Variants in COL24A1 observed in about 807,000 individuals in gnomAD.
The protein encoded by COL24A1 is collagen alpha-1(XXIV) chain.
A neutral mutation model predicts 253.9 loss-of-function variants in COL24A1; 224 were observed. That is an observed-to-expected ratio of 0.88 (90% CI 0.79 to 0.99). COL24A1 has a LOEUF of 0.99. Ranked by LOEUF, COL24A1 falls within the 50% of genes least tolerant of loss-of-function variation. The probability of loss-of-function intolerance (pLI) is 0.00; values close to 1 mark genes in which losing one functional copy is unlikely to be tolerated. For missense variants in COL24A1, 2,131 were observed against 2,068.5 expected (o/e 1.03, Z -0.59); for synonymous variants, 685 against 673.7 (o/e 1.02, Z -0.26).
chr1:85,924,286 T>C (rs188823023), intron 24 of COL24A1, among the ~76,000 whole-genome samples: 99 of 152,128 alleles, frequency 6.5e-4, no homozygotes, highest in Non-Finnish European at 1.2e-3. Flanking sequence ...TTCCAAGCAA[T>C]AGAAAAAGAG....
In COL24A1 at chr1:85,775,121, G is replaced by A. The variant is rs184463209; in HGVS notation, c.4374+553C>T. Among the ~76,000 whole-genome samples the A allele has an allele frequency of 4.3e-3, 659 of 152,062 alleles. 9 individuals carry two copies. Among genetic ancestry groups the A allele is most frequent in the African/African-American group, 0.015 (616 of 41,468 alleles). On this transcript the variant is annotated intron_variant, in intron 53 of 59. Coordinates refer to ENST00000370571, the MANE Select transcript of COL24A1 (RefSeq NM_152890.7). Reference sequence around the variant, plus strand: ...ACATCTTTATTTCTGCCTTTATTTCGTTAGGTACCCAGTAGTCATTCAGAA... The same window carrying A: ...ACATCTTTATTTCTGCCTTTATTTCATTAGGTACCCAGTAGTCATTCAGAA...
In COL24A1 at chr1:86,125,295, G is replaced by A; in HGVS notation, c.1041C>T (p.Phe347=). Residue 347 remains phenylalanine (F), a synonymous_variant, in exon 3 of 60, where the codon TTC becomes TTT. Coordinates refer to ENST00000370571, the MANE Select transcript of COL24A1 (RefSeq NM_152890.7). ...MITEEDTQTN[F]SLSVTTHRIS... is the part of the protein sequence containing the mutation. ...TGCGATGAGTGGTCACTGACAGGCT[G>A]AAATTTGTCTGAGTATCTTCCTCAG... 2 of 1,613,630 alleles carry A rather than the reference G, an allele frequency of 1.2e-6. No individual in the cohort carries two copies. Among genetic ancestry groups the A allele is most frequent in the Non-Finnish European group, 1.7e-6 (2 of 1,179,786 alleles).
At chr1:85,808,720 T>C (rs919207616) in intron 47 of COL24A1, among the ~76,000 whole-genome samples, 3 of 152,204 alleles carry the variant, frequency 2.0e-5, no homozygotes, top group African/African-American at 4.8e-5. Context: ...GCTTGATAAA[T>C]GGGTGTAATC....
intron 7 of COL24A1, among the ~76,000 whole-genome samples, chr1:86,084,552 C>G (rs1702910011): frequency 1.3e-5 from 2 of 152,154 alleles, no homozygotes; most frequent in Admixed American, 1.3e-4. Context: ...TCAACTAGCT[C>G]TCACACAGAA....
chr1:86,033,933 G>A lies in COL24A1; in HGVS notation c.1951-10C>T, dbSNP rs544494235. ...AGTCACCTGGAAAACCCTGTCACAG[G>A]GAAAGAGGAAGAATGCCAACATATA... On this transcript the variant is annotated splice_polypyrimidine_tract_variant and intron_variant, in intron 12 of 59. Coordinates refer to ENST00000370571, the MANE Select transcript of COL24A1 (RefSeq NM_152890.7). 1.4e-5 allele frequency: 22 copies of A among 1,586,224 alleles called. No homozygotes were observed. In the African/African-American group the frequency reaches 2.2e-4, roughly 16 times the overall value.
intron 23 of COL24A1, among the ~76,000 whole-genome samples, chr1:85,964,792 A>T (rs1691398425): frequency 6.6e-6 from 1 of 152,102 alleles, no homozygotes. Context: ...ACTCTGAAAC[A>T]CTTCTGGTCC....
At position 86,046,845 on chromosome 1, in the gene COL24A1, T is replaced by C. The variant is rs1699940980; in HGVS notation, c.1930A>G (p.Lys644Glu). 1 of 1,605,450 alleles carries C rather than the reference T, an allele frequency of 6.2e-7. No homozygotes were observed. Among genetic ancestry groups the C allele is most frequent in the Admixed American group, 1.7e-5 (1 of 59,808 alleles). ...ERGIPGIRGKKGFKGRQGFPG... is the reference protein window; with the variant it reads ...ERGIPGIRGKEGFKGRQGFPG... ...GATACCTGTCTCCCCTTAAAACCCTTCTTTCCACGGATCCCAGGAATGCCC... is the reference window on the plus strand; with the variant it reads ...GATACCTGTCTCCCCTTAAAACCCTCCTTTCCACGGATCCCAGGAATGCCC... Residue 644 changes from lysine to glutamate, a missense_variant, in exon 12 of 60, where the codon AAG (lysine) becomes GAG (glutamate). By Grantham distance (56) the Lys-to-Glu change is moderately conservative (BLOSUM62 1). Transcript: ENST00000370571.
At chr1:85,917,896 C>T (rs895729696) in intron 24 of COL24A1, among the ~76,000 whole-genome samples, 10 of 151,940 alleles carry the variant, frequency 6.6e-5, no homozygotes, top group East Asian at 1.9e-4. Context: ...TTAGTAGAGA[C>T]GGGGTTCCAC....
intron 53 of COL24A1, among the ~76,000 whole-genome samples, chr1:85,762,288 T>C (rs1030014935): frequency 4.6e-5 from 7 of 152,166 alleles, no homozygotes; most frequent in Admixed American, 2.0e-4. Flanking sequence ...TTTTGGATAA[T>C]GTTGACACCA....
chr1:86,103,425 T>A (rs1047299009), intron 5 of COL24A1, among the ~76,000 whole-genome samples: 1 of 152,198 alleles, frequency 6.6e-6, no homozygotes, highest in African/African-American at 2.4e-5. Flanking sequence ...CTTCATGATG[T>A]TAGCTGGTTT....
intron 5 of COL24A1, among the ~76,000 whole-genome samples, chr1:86,098,446 T>C (rs746000447): frequency 2.0e-4 from 30 of 152,092 alleles, no homozygotes; most frequent in African/African-American, 3.6e-4. Context: ...CATGTGCTTA[T>C]ATGAGGTAGA....
intron 21 of COL24A1, among the ~76,000 whole-genome samples, chr1:85,971,072 A>T (rs1692116455): frequency 6.6e-6 from 1 of 152,092 alleles, no homozygotes; most frequent in Non-Finnish European, 1.5e-5. Context: ...TTAGCCAGGC[A>T]TGGTGGTGCA....
intron 32 of COL24A1, among the ~76,000 whole-genome samples, 158 bp downstream of exon 32, chr1:85,889,402 A>C (rs1682866334): frequency 6.6e-6 from 1 of 152,124 alleles, no homozygotes; most frequent in Non-Finnish European, 1.5e-5. Context: ...GAAAGGCACT[A>C]TAAACTATTA....
intron 20 of COL24A1, among the ~76,000 whole-genome samples, chr1:85,975,786 A>G (rs1419212099): frequency 6.6e-6 from 1 of 152,216 alleles, no homozygotes; most frequent in East Asian, 1.9e-4. Context: ...CAGCAAAAAA[A>G]CTGTGAGTTC....
intron 20 of COL24A1, among the ~76,000 whole-genome samples, chr1:85,980,188 A>C (rs183599563): frequency 6.6e-6 from 1 of 152,358 alleles, no homozygotes; most frequent in East Asian, 1.9e-4. Context: ...AACATACCTC[A>C]AGGTAATAAA....
chr1:85,973,688 C>T (rs11803202), intron 20 of COL24A1, among the ~76,000 whole-genome samples: 2 of 151,920 alleles, frequency 1.3e-5, no homozygotes, highest in Non-Finnish European at 2.9e-5. Flanking sequence ...GGAATGAGGT[C>T]CCCCTAACTC....
chr1:85,939,669 T>C (rs1688554405), intron 24 of COL24A1, among the ~76,000 whole-genome samples: 1 of 152,180 alleles, frequency 6.6e-6, no homozygotes, highest in African/African-American at 2.4e-5. Context: ...CAGCAAAAGC[T>C]ATAGCTTTTT....
intron 28 of COL24A1, among the ~76,000 whole-genome samples, chr1:85,904,331 T>C (rs1179871564): frequency 6.6e-6 from 1 of 152,104 alleles, no homozygotes; most frequent in African/African-American, 2.4e-5. Flanking sequence ...TCTCTCCTGT[T>C]TGGGTAGCTG....
chr1:85,907,100 C>T (rs1017688264), intron 28 of COL24A1, 94 bp downstream of exon 28: 1 of 963,024 alleles, frequency 1.0e-6, no homozygotes, highest in African/African-American at 1.6e-5. Flanking sequence ...AAGCAGAATT[C>T]TAGAAGGTAT....
Sources: gnomAD v4.1 joint callset for allele counts (sites outside exome capture counted in the v4.1 genomes callset) on GRCh38, gnomAD v4.1.1 for gene constraint, MANE v1.5 for transcripts, NCBI Gene and HGNC (gene_info 2026-07-23, HGNC 2026-07-21) for gene names.